Variants in RHBDD1 observed in about 807,000 individuals in gnomAD.
RHBDD1 encodes the protein rhomboid domain containing 1.
In RHBDD1, 38 loss-of-function variants were observed where a neutral mutation model predicts 36.3. The ratio of observed to expected loss-of-function variants is 1.05; its 90% CI spans 0.81 to 1.37. The LOEUF is 1.37. Among genes scored for constraint, RHBDD1 ranks in the 40% most tolerant of loss-of-function variants. The pLI, the probability that RHBDD1 is intolerant of heterozygous loss-of-function variation, is 0.00. For synonymous variants in RHBDD1, 151 were observed against 136.5 expected, an observed-to-expected ratio of 1.11 and a Z score of -0.74; for missense variants, 393 against 377.6, an observed-to-expected ratio of 1.04 and a Z score of -0.34.
At chr2:226,906,477 G>GA (rs919821754) in intron 5 of RHBDD1, among the ~76,000 whole-genome samples, 1 of 151,840 alleles carries the variant, frequency 6.6e-6, no homozygotes, top group Non-Finnish European at 1.5e-5. Context: ...AAGAGGTACA[G>GA]AAAAAAAACG....
intron 5 of RHBDD1, among the ~76,000 whole-genome samples, chr2:226,892,034 G>A (rs566426908): frequency 6.6e-6 from 1 of 152,320 alleles, no homozygotes; most frequent in African/African-American, 2.4e-5. Context: ...CTGTGACACT[G>A]TGCTGAGATG....
intron 5 of RHBDD1, among the ~76,000 whole-genome samples, chr2:226,899,851 A>G (rs529898836): frequency 9.8e-5 from 15 of 152,376 alleles, no homozygotes; most frequent in Non-Finnish European, 1.6e-4. Flanking sequence ...GAACCCAGAA[A>G]TAGGTTGCAC....
Position 226,944,356 on chromosome 2 carries a change from G to A in RHBDD1, c.856+30005G>A, listed in dbSNP as rs192638069. 1.6e-4 allele frequency among the ~76,000 whole-genome samples: 24 copies of A among 152,224 alleles called. No individual in the cohort carries two copies. The East Asian group carries it at 2.9e-3, about 18-fold the overall frequency. On this transcript the variant is annotated intron_variant, in intron 8 of 8. Transcript: ENST00000392062. ...GGCTCTGTGCCCCTAGAGGAGCAGC[G>A]GTTGTACAATTGCTGTGCGTTCTGT...
intron 8 of RHBDD1, among the ~76,000 whole-genome samples, chr2:226,991,272 C>G (rs923600274): frequency 6.6e-6 from 1 of 152,192 alleles, no homozygotes; most frequent in Admixed American, 6.5e-5. Context: ...TCTCTGCTTC[C>G]TGGGTTCAAG....
intron 5 of RHBDD1, among the ~76,000 whole-genome samples, chr2:226,877,550 C>CT (rs80311532): frequency 0.034 from 4,099 of 120,760 alleles, 115 homozygotes; most frequent in African/African-American, 0.079. Flanking sequence ...AGCCATTTTC[C>CT]TTTTTTTTTT....
intron 5 of RHBDD1, among the ~76,000 whole-genome samples, chr2:226,892,570 T>G (rs1266376858): frequency 6.6e-6 from 1 of 152,232 alleles, no homozygotes; most frequent in East Asian, 1.9e-4. Context: ...CTTGCATGCA[T>G]TTTCAAAGCT....
the RHBDD1 span, chr2:226,800,178 G>C: frequency 2.6e-5 from 4 of 152,484 alleles, no homozygotes; most frequent in Non-Finnish European, 5.9e-5. Context: ...TGGGAGGCCG[G>C]GGGGAGGCGG....
chr2:226,963,223 T>TA (rs1952356811), intron 8 of RHBDD1, among the ~76,000 whole-genome samples: 1 of 152,142 alleles, frequency 6.6e-6, no homozygotes, highest in Non-Finnish European at 1.5e-5. Flanking sequence ...ATAGAACACT[T>TA]ATAGCAGCTG....
In RHBDD1 at chr2:226,885,190, G is replaced by A. The variant is rs547942286; in HGVS notation, c.566+17872G>A. Among the ~76,000 whole-genome samples the A allele has an allele frequency of 2.0e-5, 3 of 152,184 alleles. No individual in the cohort carries two copies. In the East Asian group the frequency reaches 5.8e-4, roughly 29 times the overall value. On this transcript the variant is annotated intron_variant, in intron 5 of 8. Transcript: ENST00000392062. ...ATTATTCTAAAATTGTTACTCTTGAGGTTTTGATTAAATGGGAATTTACAT... is the reference window on the plus strand; with the variant it reads ...ATTATTCTAAAATTGTTACTCTTGAAGTTTTGATTAAATGGGAATTTACAT...
chr2:226,963,093 C>A (rs1575271681), intron 8 of RHBDD1, among the ~76,000 whole-genome samples: 1 of 152,034 alleles, frequency 6.6e-6, no homozygotes, highest in East Asian at 1.9e-4. Context: ...TAGTTCTGAC[C>A]CCCAAAAGTG....
At chr2:226,882,315 A>C (rs973372814) in intron 5 of RHBDD1, among the ~76,000 whole-genome samples, 5 of 151,824 alleles carry the variant, frequency 3.3e-5, no homozygotes, top group Admixed American at 3.3e-4. Flanking sequence ...CTGTAATCCC[A>C]GCTACTCGGG....
chr2:226,820,667 A>G, the RHBDD1 span, among the ~76,000 whole-genome samples: 5 of 144,368 alleles, frequency 3.5e-5, no homozygotes, highest in African/African-American at 1.1e-4. Flanking sequence ...AAAAAAAAAA[A>G]AAGAAAAAAA....
chr2:226,995,602 A>G lies in RHBDD1; in HGVS notation c.*80A>G. 2 of 984,406 alleles carry G rather than the reference A, an allele frequency of 2.0e-6. No homozygotes were observed. Among genetic ancestry groups the G allele is most frequent in the South Asian group, 1.4e-5 (1 of 72,086 alleles). 61.0% of individuals were successfully genotyped at this position (984,406 alleles called of 1,614,324 possible). A position where few individuals can be genotyped will look rare whatever the true frequency, so the allele number is the denominator to read the frequency against. On this transcript the variant is annotated 3_prime_UTR_variant, in exon 9 of 9. Coordinates refer to ENST00000392062, the MANE Select transcript of RHBDD1 (RefSeq NM_001167608.3). Reference sequence around the variant, plus strand: ...ATTCCCCAAGCCCCTAATTCATTTTAATTCATTTTAAACAAAAGCAGAGTA... The same window carrying G: ...ATTCCCCAAGCCCCTAATTCATTTTGATTCATTTTAAACAAAAGCAGAGTA...
chr2:226,917,467 A>T (rs1057227920), intron 8 of RHBDD1, among the ~76,000 whole-genome samples: 1 of 152,102 alleles, frequency 6.6e-6, no homozygotes, highest in Non-Finnish European at 1.5e-5. Flanking sequence ...GCTTGGTGAG[A>T]AGAGTATTTC....
chr2:226,806,803 G>A, the RHBDD1 span, among the ~76,000 whole-genome samples: 2 of 152,006 alleles, frequency 1.3e-5, no homozygotes, highest in Admixed American at 6.6e-5. Flanking sequence ...GCACACTAAG[G>A]TGTCATGACC....
intron 8 of RHBDD1, among the ~76,000 whole-genome samples, chr2:226,967,107 A>C (rs745405277): frequency 6.6e-6 from 1 of 152,226 alleles, no homozygotes; most frequent in Non-Finnish European, 1.5e-5. Flanking sequence ...TCTGGAAATC[A>C]TCTGAGAACC....
chr2:226,958,177 C>T (rs898683948), intron 8 of RHBDD1, among the ~76,000 whole-genome samples: 11 of 152,104 alleles, frequency 7.2e-5, no homozygotes, highest in African/African-American at 1.7e-4. Flanking sequence ...TATATGCATA[C>T]GATGGAATAT....
chr2:226,896,945 G>C (rs1013513130), intron 5 of RHBDD1, among the ~76,000 whole-genome samples: 1 of 152,060 alleles, frequency 6.6e-6, no homozygotes, highest in Non-Finnish European at 1.5e-5. Context: ...TGGGACAACA[G>C]GCACGTGCCA....
intron 5 of RHBDD1, among the ~76,000 whole-genome samples, chr2:226,891,152 C>T (rs756706994): frequency 5.3e-5 from 8 of 152,142 alleles, no homozygotes; most frequent in Admixed American, 6.5e-5. Flanking sequence ...TCCTTGGTTT[C>T]GGGCTCTCTC....
Sources: allele counts gnomAD v4.1 joint callset (sites outside exome capture counted in the v4.1 genomes callset), GRCh38; gene constraint gnomAD v4.1.1; transcripts MANE v1.5; gene names NCBI Gene and HGNC (gene_info 2026-07-23, HGNC 2026-07-21).